The following BBOX1 variants were observed in gnomAD, a reference collection of about 807,000 sequenced individuals.
BBOX1 encodes gamma-butyrobetaine dioxygenase.
In BBOX1, 35 loss-of-function variants were observed where a neutral mutation model predicts 41.6. That is an observed-to-expected ratio of 0.84 (90% CI 0.64 to 1.11). BBOX1 has a LOEUF of 1.11. Among genes scored for constraint, BBOX1 ranks in the 50% most tolerant of loss-of-function variants. The pLI, the probability that BBOX1 is intolerant of heterozygous loss-of-function variation, is 0.00. For synonymous variants in BBOX1, 163 were observed against 154.7 expected (o/e 1.05, Z -0.40); for missense variants, 458 against 460.6 (o/e 0.99, Z 0.05).
chr11:27,058,355 A>G (rs894767484), intron 4 of BBOX1, among the ~76,000 whole-genome samples: 16 of 152,240 alleles, frequency 1.1e-4, no homozygotes, highest in Non-Finnish European at 2.1e-4. Context: ...ACCCAGTCTC[A>G]GGTATTTCCT....
intron 6 of BBOX1, among the ~76,000 whole-genome samples, chr11:27,116,247 C>T (rs980218453): frequency 2.6e-5 from 4 of 151,714 alleles, no homozygotes; most frequent in Middle Eastern, 3.2e-3. Context: ...CGCATGTTCT[C>T]GCCTATAAGT....
intron 7 of BBOX1, among the ~76,000 whole-genome samples, chr11:27,124,902 C>T (rs1859595692): frequency 6.6e-6 from 1 of 152,122 alleles, no homozygotes; most frequent in Non-Finnish European, 1.5e-5. Context: ...GAATAGAGAT[C>T]ACAACATTAA....
chr11:27,095,029 C>T (rs181141402), intron 5 of BBOX1, among the ~76,000 whole-genome samples: 31 of 151,988 alleles, frequency 2.0e-4, no homozygotes, highest in African/African-American at 4.1e-4. Flanking sequence ...GAAACTGAAG[C>T]GCAGAGAATT....
intron 7 of BBOX1, among the ~76,000 whole-genome samples, chr11:27,121,629 G>C (rs1033606882): frequency 3.3e-5 from 5 of 152,080 alleles, no homozygotes; most frequent in Admixed American, 6.6e-5. Context: ...AAAGATTGGA[G>C]GAAGTGTCTG....
At chr11:27,123,315 T>C (rs533393911) in intron 7 of BBOX1, among the ~76,000 whole-genome samples, 1 of 152,236 alleles carries the variant, frequency 6.6e-6, no homozygotes, top group Non-Finnish European at 1.5e-5. Flanking sequence ...TGATTTTCAT[T>C]ACATTTATTA....
chr11:27,057,084 A>AAAAAAAAAAAAAAAAAAAAAAAAAAAAC (rs1857007585), intron 3 of BBOX1, 117 bp from the exon 4 acceptor site: 1 of 383,616 alleles, frequency 2.6e-6, no homozygotes, highest in Non-Finnish European at 4.4e-6. Context: ...AAAAAAAAAA[A>AAAAAAAAAAAAAAAAAAAAAAAAAAAAC]ATTAAGCAAA....
chr11:27,069,424 A>G (rs1236719142), intron 4 of BBOX1, among the ~76,000 whole-genome samples: 1 of 152,140 alleles, frequency 6.6e-6, no homozygotes, highest in Non-Finnish European at 1.5e-5. Flanking sequence ...TTAATTTTGT[A>G]ACCTGAGACT....
At chr11:27,044,213 C>T (rs1779385086) in intron 2 of BBOX1, among the ~76,000 whole-genome samples, 1 of 152,116 alleles carries the variant, frequency 6.6e-6, no homozygotes, top group Non-Finnish European at 1.5e-5. Context: ...AGCTTTTCTT[C>T]ATATGTTTGT....
In BBOX1 at chr11:27,127,436, G is replaced by T. The variant is rs763688179; in HGVS notation, c.1147G>T (p.Val383Leu). 43 of 1,605,656 alleles carry T rather than the reference G, an allele frequency of 2.7e-5. No individual in the cohort carries two copies. Among genetic ancestry groups the T allele is most frequent in the Non-Finnish European group, 3.7e-5 (43 of 1,178,058 alleles). Residue 383 changes from valine (V) to leucine (L), a missense_variant, in exon 9 of 9, where the codon GTG (valine) becomes TTG (leucine). Transcript: ENST00000263182. ...AAGGCTTCGTATCTTAAGGCAGAGG[G>T]TGGAGAATGGAAACTGAAGTCACCT... ...MSRLRILRQR[V>L]ENGN
chr11:27,086,481 T>C (rs528436704), intron 4 of BBOX1, among the ~76,000 whole-genome samples: 1 of 152,260 alleles, frequency 6.6e-6, no homozygotes, highest in South Asian at 2.1e-4. Context: ...CATGGCTTAC[T>C]GAATATTTGT....
At position 27,115,542 on chromosome 11, in the gene BBOX1, C is replaced by A; in HGVS notation, c.624C>A (p.Leu208=). The part of the protein sequence containing the change: ...KLSFHTDYPA[L]HHPPGVQLLH... ...GCTTTCACACTGATTATCCAGCCCT[C>A]CATCATCCACCTGGGGTAAGTGAGC... The change falls in exon 6 of 9, where the codon CTC becomes CTA. Residue 208 remains leucine (L), a synonymous_variant. Transcript: ENST00000263182. The A allele has an allele frequency of 6.2e-7, 1 of 1,609,588 alleles. No homozygotes were observed. The highest frequency in any genetic ancestry group is 8.5e-7 in the Non-Finnish European group (1 of 1,177,230).
chr11:27,095,852 A>C (rs1858421197), intron 5 of BBOX1, among the ~76,000 whole-genome samples: 1 of 152,020 alleles, frequency 6.6e-6, no homozygotes, highest in African/African-American at 2.4e-5. Flanking sequence ...TAATGTGCAA[A>C]AGTGATACTG....
intron 4 of BBOX1, among the ~76,000 whole-genome samples, chr11:27,068,986 A>G (rs144735895): frequency 2.0e-4 from 31 of 152,086 alleles, no homozygotes; most frequent in African/African-American, 7.2e-4. Flanking sequence ...TTATAGTAAA[A>G]TTTGAAATCA....
chr11:27,072,526 C>G (rs1425102144), intron 4 of BBOX1, among the ~76,000 whole-genome samples: 1 of 152,146 alleles, frequency 6.6e-6, no homozygotes, highest in East Asian at 1.9e-4. Flanking sequence ...AATGCCATCC[C>G]CATCAAGCTA....
intron 7 of BBOX1, among the ~76,000 whole-genome samples, chr11:27,120,264 A>G (rs1859417150): frequency 6.6e-6 from 1 of 152,128 alleles, no homozygotes; most frequent in Non-Finnish European, 1.5e-5. Flanking sequence ...TTATTTTTCA[A>G]AGATGATCAG....
chr11:27,071,530 T>C (rs1388623261), intron 4 of BBOX1, among the ~76,000 whole-genome samples: 1 of 152,116 alleles, frequency 6.6e-6, no homozygotes, highest in South Asian at 2.1e-4. Flanking sequence ...GATTGAATCA[T>C]GGGGGCTGAC....
At chr11:27,123,036 G>T (rs1220477956) in intron 7 of BBOX1, among the ~76,000 whole-genome samples, 1 of 151,998 alleles carries the variant, frequency 6.6e-6, no homozygotes, top group Non-Finnish European at 1.5e-5. Context: ...TGGTCTTCAA[G>T]GTACCAGCTA....
intron 4 of BBOX1, among the ~76,000 whole-genome samples, chr11:27,085,090 G>C (rs998160820): frequency 6.6e-6 from 1 of 151,920 alleles, no homozygotes; most frequent in African/African-American, 2.4e-5. Flanking sequence ...TTACAGTTGG[G>C]GGAAGATAAG....
At chr11:27,071,963 C>A (rs560055438) in intron 4 of BBOX1, among the ~76,000 whole-genome samples, 237 of 151,946 alleles carry the variant, frequency 1.6e-3, no homozygotes, top group African/African-American at 5.4e-3. Flanking sequence ...CAGCCAATAT[C>A]ATACTGAATG....
Sources: gnomAD v4.1 joint callset for allele counts (sites outside exome capture counted in the v4.1 genomes callset) on GRCh38, gnomAD v4.1.1 for gene constraint, MANE v1.5 for transcripts, NCBI Gene and HGNC (gene_info 2026-07-23, HGNC 2026-07-21) for gene names.